Variants in GALNT13 observed in about 807,000 individuals in gnomAD.
GALNT13 encodes polypeptide N-acetylgalactosaminyltransferase 13.
In GALNT13, 28 loss-of-function variants were observed where a neutral mutation model predicts 64.2. The ratio of observed to expected loss-of-function variants is 0.44; its 90% CI spans 0.32 to 0.60. The LOEUF is 0.60. Among genes scored for constraint, GALNT13 ranks in the 20% least tolerant of loss-of-function variants. The pLI is 0.05. For missense variants in GALNT13, 577 were observed against 669.8 expected (o/e 0.86, Z 1.53); for synonymous variants, 214 against 224.6 (o/e 0.95, Z 0.42).
chr2:153,801,737 A>G, the GALNT13 span, among the ~76,000 whole-genome samples: 1 of 152,204 alleles, frequency 6.6e-6, no homozygotes, highest in Non-Finnish European at 1.5e-5. Context: ...ATTGGTGCCA[A>G]TAGGCTTGTT....
At chr2:154,438,144 G>A (rs934466344) in intron 11 of GALNT13, among the ~76,000 whole-genome samples, 3 of 152,048 alleles carry the variant, frequency 2.0e-5, no homozygotes, top group African/African-American at 7.2e-5. Flanking sequence ...AAACTTACAC[G>A]ATGTACTTAT....
intron 11 of GALNT13, among the ~76,000 whole-genome samples, chr2:154,415,171 A>G (rs1463181964): frequency 6.6e-6 from 1 of 151,846 alleles, no homozygotes; most frequent in Non-Finnish European, 1.5e-5. Flanking sequence ...AAATATATTC[A>G]TAATTAGGTA....
chr2:154,064,350 C>T (rs536524009), intron 3 of GALNT13, among the ~76,000 whole-genome samples: 12 of 152,220 alleles, frequency 7.9e-5, no homozygotes, highest in South Asian at 6.2e-4. Context: ...TGTTCTGGGC[C>T]GAGAGCAAGT....
chr2:153,627,211 C>T, the GALNT13 span, among the ~76,000 whole-genome samples: 1 of 151,976 alleles, frequency 6.6e-6, no homozygotes, highest in Admixed American at 6.6e-5. Flanking sequence ...AGCCTTTGTC[C>T]TTAGTGATGT....
intron 4 of GALNT13, among the ~76,000 whole-genome samples, chr2:154,168,238 A>G (rs866341376): frequency 4.6e-5 from 7 of 152,184 alleles, no homozygotes; most frequent in Admixed American, 6.5e-5. Context: ...CAGAATCTGC[A>G]GAGTGTATCG....
the GALNT13 span, among the ~76,000 whole-genome samples, chr2:153,091,122 T>C: frequency 0.067 from 10,268 of 152,156 alleles, 391 homozygotes; most frequent in Middle Eastern, 0.14. Flanking sequence ...TCCTCTGGAT[T>C]CTGCTCAAGA....
the GALNT13 span, among the ~76,000 whole-genome samples, chr2:153,723,722 A>C: frequency 3.3e-5 from 5 of 151,954 alleles, no homozygotes; most frequent in African/African-American, 1.2e-4. Context: ...AAAGGGAATA[A>C]AATACCTAGG....
At chr2:153,630,808 T>TATATATATATATTTATTTA in the GALNT13 span, among the ~76,000 whole-genome samples, 2 of 16,984 alleles carry the variant, frequency 1.2e-4, no homozygotes, top group Non-Finnish European at 1.9e-4. Context: ...TATATATATA[T>TATATATATATATTTATTTA]TTTTTTTTTT....
At chr2:153,654,436 G>T in the GALNT13 span, among the ~76,000 whole-genome samples, 255 of 151,988 alleles carry the variant, frequency 1.7e-3, no homozygotes, top group South Asian at 2.7e-3. Flanking sequence ...ATGTTAAAAG[G>T]TTTTATTTGT....
intron 3 of GALNT13, among the ~76,000 whole-genome samples, chr2:153,968,304 C>T (rs1693509207): frequency 6.6e-6 from 1 of 152,224 alleles, no homozygotes; most frequent in Non-Finnish European, 1.5e-5. Context: ...TCTAAGTACT[C>T]CGTCTGTGAG....
At chr2:153,169,361 C>A in the GALNT13 span, among the ~76,000 whole-genome samples, 1 of 152,092 alleles carries the variant, frequency 6.6e-6, no homozygotes, top group Non-Finnish European at 1.5e-5. Context: ...CTAAGGGAGG[C>A]TTTAGGATGG....
At chr2:154,294,946 C>T (rs61642988) in intron 8 of GALNT13, among the ~76,000 whole-genome samples, 18,341 of 152,168 alleles carry the variant, frequency 0.12, 1,347 homozygotes, top group East Asian at 0.34. Flanking sequence ...GTCAGAATGG[C>T]CTCCTGGCTA....
chr2:153,605,663 A>G, the GALNT13 span, among the ~76,000 whole-genome samples: 98 of 152,210 alleles, frequency 6.4e-4, no homozygotes, highest in African/African-American at 2.2e-3. Flanking sequence ...TAAAAAGAAA[A>G]TGGTTATCAG....
At chr2:154,345,056 A>G (rs1458191445) in intron 9 of GALNT13, among the ~76,000 whole-genome samples, 2 of 151,990 alleles carry the variant, frequency 1.3e-5, no homozygotes, top group Non-Finnish European at 2.9e-5. Flanking sequence ...CTTAGGATCC[A>G]CTATATGGGG....
intron 2 of GALNT13, among the ~76,000 whole-genome samples, chr2:153,930,711 G>A (rs72865023): frequency 0.071 from 10,728 of 151,934 alleles, 437 homozygotes; most frequent in Middle Eastern, 0.13. Context: ...ACCATGCTGT[G>A]TTGGTTACTG....
chr2:153,175,686 A>G, the GALNT13 span, among the ~76,000 whole-genome samples: 3 of 152,238 alleles, frequency 2.0e-5, no homozygotes, highest in South Asian at 6.2e-4. Flanking sequence ...AGGTAGTAGC[A>G]GAACAATGCT....
At chr2:154,125,324 G>A (rs1482550575) in intron 3 of GALNT13, among the ~76,000 whole-genome samples, 1 of 152,056 alleles carries the variant, frequency 6.6e-6, no homozygotes, top group Non-Finnish European at 1.5e-5. Flanking sequence ...TAATATTTAG[G>A]CTAAGATGCA....
At chr2:154,261,046 G>A (rs1690667899) in intron 8 of GALNT13, among the ~76,000 whole-genome samples, 1 of 152,070 alleles carries the variant, frequency 6.6e-6, no homozygotes, top group Non-Finnish European at 1.5e-5. Flanking sequence ...GTTGAAAGTA[G>A]AATTCAGAAA....
intron 3 of GALNT13, among the ~76,000 whole-genome samples, chr2:154,128,733 C>T (rs1256466088): frequency 2.6e-5 from 4 of 151,904 alleles, no homozygotes; most frequent in Non-Finnish European, 5.9e-5. Flanking sequence ...CTAGAAATTT[C>T]CTTCATGAAA....
Sources: allele counts gnomAD v4.1 joint callset (sites outside exome capture counted in the v4.1 genomes callset), GRCh38; gene constraint gnomAD v4.1.1; transcripts MANE v1.5; gene names NCBI Gene and HGNC (gene_info 2026-07-23, HGNC 2026-07-21).